TSPEAR: variants seen among roughly 807,000 people sequenced by gnomAD.
TSPEAR encodes thrombospondin type laminin G domain and EAR repeats.
Under a neutral mutation model 71.6 loss-of-function variants are expected in TSPEAR, and 69 were observed. That is an observed-to-expected ratio of 0.96 (90% CI 0.79 to 1.18). TSPEAR has a LOEUF of 1.18. Ranked by LOEUF, TSPEAR falls within the 50% of genes most tolerant of loss-of-function variation. TSPEAR has a pLI of 0.00. For missense variants in TSPEAR, 971 were observed against 894.9 expected (o/e 1.09, Z -1.09); for synonymous variants, 402 against 387.2 (o/e 1.04, Z -0.45).
chr21:44,698,952 G>A (rs1601579572), intron 1 of TSPEAR, among the ~76,000 whole-genome samples: 1 of 152,216 alleles, frequency 6.6e-6, no homozygotes, highest in South Asian at 2.1e-4. Flanking sequence ...TGCAGTCCCA[G>A]CATTTTGGGA....
At chr21:44,559,908 T>C (rs1024070716) in intron 2 of TSPEAR, among the ~76,000 whole-genome samples, 4 of 152,200 alleles carry the variant, frequency 2.6e-5, no homozygotes, top group Admixed American at 6.5e-5. Flanking sequence ...TGGGGGCCCA[T>C]AGGCTGCAGG....
At position 44,681,791 on chromosome 21, in the gene TSPEAR, G is replaced by C. The variant is rs1986603035; in HGVS notation, c.82+29642C>G. On this transcript the variant is annotated intron_variant, in intron 1 of 11. Coordinates refer to ENST00000323084, the MANE Select transcript of TSPEAR (RefSeq NM_144991.3). ...ACTCATCCAGGGAGTGTACAGGTGT[G>C]GCCTCATCTGCACTGGGAGCAGCGG... 3 of 1,575,590 alleles carry C rather than the reference G, an allele frequency of 1.9e-6. No homozygotes were observed. The African/African-American group carries it at 4.0e-5, about 21-fold the overall frequency.
chr21:44,671,165 C>T (rs781844878), intron 1 of TSPEAR, among the ~76,000 whole-genome samples: 10 of 152,228 alleles, frequency 6.6e-5, no homozygotes, highest in Non-Finnish European at 1.0e-4. Context: ...CTACCACCAG[C>T]GCTCACTTGC....
intron 1 of TSPEAR, among the ~76,000 whole-genome samples, chr21:44,680,091 G>A (rs1391606967): frequency 1.3e-5 from 2 of 152,196 alleles, no homozygotes; most frequent in African/African-American, 4.8e-5. Context: ...TCAACAGAGT[G>A]AAGAGACAAC....
intron 9 of TSPEAR, among the ~76,000 whole-genome samples, chr21:44,510,350 GGCCTTCT>G (rs1569152909): frequency 6.6e-6 from 1 of 152,190 alleles, no homozygotes; most frequent in African/African-American, 2.4e-5. Flanking sequence ...CCGTCCGGAG[GGCCTTCT>G]GCCTGAGGGA....
rs1024039854 is a variant in TSPEAR, at chr21:44,623,574, C to T, written c.83-55569G>A. The stretch of plus-strand genomic sequence containing the variant: ...TCCATCTGTGATCATTTTCATTCTG[C>T]CTAATTATCTTTTTATTTTCTGTAG... On this transcript the variant is annotated intron_variant, in intron 1 of 11. Transcript: ENST00000323084. The surrounding 1 kb of genome is among the most constrained non-coding windows in gnomAD (Gnocchi z 4.5). Among the ~76,000 whole-genome samples, 3 of 152,160 alleles carry T rather than the reference C, an allele frequency of 2.0e-5. No homozygotes were observed. The highest frequency in any genetic ancestry group is 2.9e-5 in the Non-Finnish European group (2 of 68,034).
chr21:44,627,150 C>T, intron 1 of TSPEAR: 1 of 1,604,978 alleles, frequency 6.2e-7, no homozygotes, highest in Non-Finnish European at 8.5e-7. Context: ...CCTCCCCCAG[C>T]TCACCTCCTC....
intron 1 of TSPEAR, among the ~76,000 whole-genome samples, chr21:44,615,953 C>T (rs781975223): frequency 9.2e-5 from 14 of 152,210 alleles, no homozygotes; most frequent in South Asian, 2.1e-4. Context: ...CAGGCGGGGC[C>T]GCCAGGGACG....
At chr21:44,564,748 A>C (rs1244944883) in intron 2 of TSPEAR, among the ~76,000 whole-genome samples, 1 of 152,200 alleles carries the variant, frequency 6.6e-6, no homozygotes, top group Non-Finnish European at 1.5e-5. Context: ...GATCAACAAG[A>C]AAAAGGAAAA....
chr21:44,545,690 C>T (rs2053292776), intron 2 of TSPEAR, among the ~76,000 whole-genome samples: 1 of 151,988 alleles, frequency 6.6e-6, no homozygotes. Flanking sequence ...AAAGAGAAGA[C>T]AGAAAATACT....
rs1980154488 is a variant in TSPEAR, at chr21:44,593,658, C to CGT, written c.83-25655_83-25654dup. On this transcript the variant is annotated intron_variant, in intron 1 of 11. Transcript: ENST00000323084. This position sits in a 1 kb window ranked among gnomAD's most constrained non-coding sequence, Gnocchi z 5.9. ...CCAGCACTAAAGTTAAAATAGAGAC[C>CGT]GTAAGACCCACAGAGCAGACTCTGG... 6.6e-6 allele frequency among the ~76,000 whole-genome samples: 1 copy of CGT among 152,050 alleles called. No homozygotes were observed. The highest frequency in any genetic ancestry group is 6.5e-5 in the Admixed American group (1 of 15,286).
intron 10 of TSPEAR, chr21:44,508,562 C>A: frequency 8.7e-7 from 1 of 1,144,630 alleles, no homozygotes; most frequent in Non-Finnish European, 1.1e-6. Context: ...AGAGGACGCC[C>A]CACACTGGTC....
At chr21:44,691,895 G>T (rs1469867478) in intron 1 of TSPEAR, among the ~76,000 whole-genome samples, 4 of 152,052 alleles carry the variant, frequency 2.6e-5, no homozygotes, top group African/African-American at 9.7e-5. Flanking sequence ...ACCCACATAA[G>T]ACATCAAAAG....
intron 1 of TSPEAR, chr21:44,579,889 C>A (rs1344552831): frequency 1.2e-6 from 2 of 1,600,356 alleles, no homozygotes; most frequent in Non-Finnish European, 1.7e-6. Context: ...AGCAGGCGGG[C>A]CTGCATATGG....
At chr21:44,609,094 AC>A (rs1307594624) in intron 1 of TSPEAR, among the ~76,000 whole-genome samples, 1 of 152,240 alleles carries the variant, frequency 6.6e-6, no homozygotes, top group African/African-American at 2.4e-5. Context: ...ATTGTGCTGA[AC>A]AAATTGAACC....
At chr21:44,502,356 T>C (rs1448407811) in intron 11 of TSPEAR, among the ~76,000 whole-genome samples, 1 of 152,210 alleles carries the variant, frequency 6.6e-6, no homozygotes, top group African/African-American at 2.4e-5. Flanking sequence ...AGGGGAAATG[T>C]TCTTTATTCT....
At chr21:44,573,569 A>G (rs1555922984) in intron 1 of TSPEAR, among the ~76,000 whole-genome samples, 3 of 152,152 alleles carry the variant, frequency 2.0e-5, no homozygotes. Flanking sequence ...ACAAAAACAC[A>G]GCTACTGTTT....
rs1215828193 is a variant in TSPEAR at position 44,655,649 on chromosome 21, G to T, written c.82+55784C>A. 4.1e-4 allele frequency among the ~76,000 whole-genome samples: 62 copies of T among 152,244 alleles called. 1 individual carries two copies. The highest frequency in any genetic ancestry group is 1.8e-4 in the Non-Finnish European group (12 of 68,038). ...CAGCTTGGGGGAAAGTGAGGAGCTG[G>T]TGTGAAATTCCAGGATGCCCCTGAA... On this transcript the variant is annotated intron_variant, in intron 1 of 11. Transcript: ENST00000323084.
chr21:44,668,660 T>C (rs1985908782), intron 1 of TSPEAR, among the ~76,000 whole-genome samples: 1 of 152,188 alleles, frequency 6.6e-6, no homozygotes, highest in Admixed American at 6.5e-5. Context: ...GCTACACTAA[T>C]CAAAACTGTG....
Sources: gnomAD v4.1 joint callset for allele counts (sites outside exome capture counted in the v4.1 genomes callset) on GRCh38, gnomAD v4.1.1 for gene constraint, Gnocchi (gnomAD v3.1) non-coding constraint, MANE v1.5 for transcripts, NCBI Gene and HGNC (gene_info 2026-07-23, HGNC 2026-07-21) for gene names.